The following PPP2R2C variants were observed in gnomAD, a reference collection of about 807,000 sequenced individuals.
The protein encoded by PPP2R2C is protein phosphatase 2, regulatory subunit B, gamma.
In PPP2R2C, 10 loss-of-function variants were observed where a neutral mutation model predicts 45.3. The ratio of observed to expected loss-of-function variants is 0.22; its 90% CI spans 0.14 to 0.37. The LOEUF is 0.37. Among genes scored for constraint, PPP2R2C ranks in the 10% least tolerant of loss-of-function variants. The pLI is 1.00. For missense variants in PPP2R2C, 308 were observed against 619.7 expected, an observed-to-expected ratio of 0.50 and a Z score of 5.34; for synonymous variants, 257 against 245.4, an observed-to-expected ratio of 1.05 and a Z score of -0.44.
intron 5 of PPP2R2C, among the ~76,000 whole-genome samples, chr4:6,357,415 T>C (rs1015975997): frequency 6.6e-6 from 1 of 152,200 alleles, no homozygotes; most frequent in African/African-American, 2.4e-5. Flanking sequence ...ATTTCAGGCC[T>C]AGCCAGACGT....
intron 1 of PPP2R2C, among the ~76,000 whole-genome samples, chr4:6,395,673 T>C (rs115462397): frequency 0.028 from 4,214 of 152,292 alleles, 66 homozygotes; most frequent in Middle Eastern, 0.058. Flanking sequence ...GACCCGCCAG[T>C]CATACAGAGT....
intron 5 of PPP2R2C, among the ~76,000 whole-genome samples, chr4:6,351,815 C>T (rs575436835): frequency 6.6e-5 from 10 of 152,296 alleles, no homozygotes; most frequent in Admixed American, 3.9e-4. Context: ...GCACCCTTCA[C>T]GGTGTGGGCA....
intron 1 of PPP2R2C, among the ~76,000 whole-genome samples, chr4:6,408,325 C>A (rs1486389275): frequency 6.6e-6 from 1 of 152,182 alleles, no homozygotes; most frequent in Admixed American, 6.5e-5. Flanking sequence ...TCTCCTCCTC[C>A]CCTTCCCTGG....
At chr4:6,372,790 G>A in intron 4 of PPP2R2C, 90 bp from the exon 5 acceptor site, 1 of 1,361,598 alleles carries the variant, frequency 7.3e-7, no homozygotes, top group Middle Eastern at 2.4e-4. Flanking sequence ...CCAACCGGAG[G>A]CTGGAACACA....
intron 1 of PPP2R2C, chr4:6,384,801 G>T: frequency 1.0e-6 from 1 of 985,430 alleles, no homozygotes; most frequent in South Asian, 4.7e-5. Context: ...TTTCCATTTG[G>T]CAGCAGAGGA....
At chr4:6,443,442 C>T (rs888898132) in intron 1 of PPP2R2C, among the ~76,000 whole-genome samples, 10 of 152,226 alleles carry the variant, frequency 6.6e-5, no homozygotes, top group African/African-American at 2.4e-4. Flanking sequence ...CGCAGAGGGA[C>T]CTGGGTGTCC....
chr4:6,424,133 G>T (rs557396030), intron 1 of PPP2R2C, among the ~76,000 whole-genome samples: 2 of 152,320 alleles, frequency 1.3e-5, no homozygotes, highest in Admixed American at 6.5e-5. Flanking sequence ...GGAAGGGGCT[G>T]CCCAGGGAAG....
chr4:6,418,408 C>A (rs535796558), intron 1 of PPP2R2C, among the ~76,000 whole-genome samples: 1 of 152,228 alleles, frequency 6.6e-6, no homozygotes, highest in Non-Finnish European at 1.5e-5. Flanking sequence ...GCTGCTGCCA[C>A]GCAGCAAAGC....
At chr4:6,514,233 T>C (rs1311013231) in intron 2 of PPP2R2C, among the ~76,000 whole-genome samples, 1 of 152,248 alleles carries the variant, frequency 6.6e-6, no homozygotes, top group Admixed American at 6.5e-5. Flanking sequence ...CCTATGAGAT[T>C]AACAGAAATT....
intron 6 of PPP2R2C, among the ~76,000 whole-genome samples, chr4:6,344,503 C>T (rs541288288): frequency 7.9e-5 from 12 of 152,266 alleles, no homozygotes; most frequent in Non-Finnish European, 1.5e-4. Flanking sequence ...GTCTGACTGC[C>T]CCCTCTAGCC....
At chr4:6,391,535 C>T (rs754082188) in intron 1 of PPP2R2C, among the ~76,000 whole-genome samples, 10 of 152,214 alleles carry the variant, frequency 6.6e-5, no homozygotes, top group Non-Finnish European at 1.5e-4. Flanking sequence ...GTTACATAAA[C>T]ATTTAAACTG....
chr4:6,367,052 G>C (rs1260508312), intron 5 of PPP2R2C, among the ~76,000 whole-genome samples: 3 of 151,276 alleles, frequency 2.0e-5, no homozygotes, highest in Non-Finnish European at 4.4e-5. Flanking sequence ...CTGAGGGTGA[G>C]AGAGAGGGAG....
intron 2 of PPP2R2C, among the ~76,000 whole-genome samples, chr4:6,495,130 G>A (rs989501092): frequency 3.3e-5 from 5 of 152,352 alleles, no homozygotes; most frequent in South Asian, 2.1e-4. Flanking sequence ...GGGGCTACGT[G>A]GCCTCCACAG....
At position 6,537,642 on chromosome 4, in the gene PPP2R2C, C is replaced by G. The variant is rs913663568; in HGVS notation, c.-58-2265G>C. 4.0e-5 allele frequency among the ~76,000 whole-genome samples: 6 copies of G among 151,638 alleles called. No homozygotes were observed. The South Asian group carries it at 6.3e-4, about 16-fold the overall frequency. ...CTCGGCTCACTGTAAGCTCCGCCTC[C>G]CAGGTTCACACCATTCTCCTGCCTC... On this transcript the variant is annotated intron_variant, in intron 1 of 9. Coordinates refer to the PPP2R2C transcript ENST00000506140.
chr4:6,401,125 C>G (rs971333131), intron 1 of PPP2R2C, among the ~76,000 whole-genome samples: 8 of 152,134 alleles, frequency 5.3e-5, no homozygotes, highest in African/African-American at 1.9e-4. Flanking sequence ...GAAAACAAGT[C>G]TCAAATTGTA....
intron 1 of PPP2R2C, among the ~76,000 whole-genome samples, chr4:6,541,334 C>T (rs1724797140): frequency 6.6e-6 from 1 of 152,110 alleles, no homozygotes; most frequent in Non-Finnish European, 1.5e-5. Flanking sequence ...ATAGCTGCCA[C>T]CTGAGGGTTG....
chr4:6,371,595 C>T (rs1216693463), intron 5 of PPP2R2C, among the ~76,000 whole-genome samples: 1 of 152,102 alleles, frequency 6.6e-6, no homozygotes. Flanking sequence ...AGGTTAGAAG[C>T]GGGGACTCTG....
In PPP2R2C at chr4:6,391,806, C is replaced by T. The variant is rs926212010; in HGVS notation, c.71-10712G>A. 2.6e-5 allele frequency among the ~76,000 whole-genome samples: 4 copies of T among 152,320 alleles called. No individual in the cohort carries two copies. In the East Asian group the frequency reaches 7.7e-4, roughly 29 times the overall value. ...GTGCCATGGCTATGCCCTTTGCATG[C>T]AGTGATCCCCCAGAACTGCCACTGT... On this transcript the variant is annotated intron_variant, in intron 1 of 8. Transcript: ENST00000382599.
chr4:6,459,165 C>G (rs766481581), intron 1 of PPP2R2C, among the ~76,000 whole-genome samples: 4 of 138,080 alleles, frequency 2.9e-5, no homozygotes, highest in African/African-American at 1.1e-4. Flanking sequence ...CATCTCTGTT[C>G]CATATGGATG....
Sources: allele counts gnomAD v4.1 joint callset (sites outside exome capture counted in the v4.1 genomes callset), GRCh38; gene constraint gnomAD v4.1.1; transcripts MANE v1.5; gene names NCBI Gene and HGNC (gene_info 2026-07-23, HGNC 2026-07-21).